The following AMDHD1 variants were observed in gnomAD, a reference collection of about 807,000 sequenced individuals.
AMDHD1 encodes amidohydrolase domain containing 1.
A neutral mutation model predicts 44.1 loss-of-function variants in AMDHD1; 45 were observed. That is an observed-to-expected ratio of 1.02 (90% CI 0.80 to 1.31). The LOEUF (loss-of-function observed/expected upper bound fraction) is 1.31. Ranked by LOEUF, AMDHD1 falls within the 50% of genes most tolerant of loss-of-function variation. AMDHD1 has a pLI of 0.00. For synonymous variants in AMDHD1, 206 were observed against 205.0 expected (o/e 1.00, Z -0.04); for missense variants, 586 against 552.1 (o/e 1.06, Z -0.61).
Position 95,956,695 on chromosome 12 carries a change from C to T in AMDHD1, c.320C>T (p.Ala107Val). Reference protein sequence around the residue: ...VHEFAMKLAGATYMEIHQAGG... With the variant: ...VHEFAMKLAGVTYMEIHQAGG... ...GAGGCGTGTGTTCAGTTGGCAGGAG[C>T]CACCTACATGGAAATTCACCAGGCC... Residue 107 changes from alanine to valine, a missense_variant, in exon 4 of 9, where the codon GCC becomes GTC. Ala to Val is a moderately conservative substitution (Grantham distance 64). Coordinates refer to ENST00000266736, the MANE Select transcript of AMDHD1 (RefSeq NM_152435.3). 6.2e-7 allele frequency: 1 copy of T among 1,613,902 alleles called. No individual in the cohort carries two copies. Among genetic ancestry groups the T allele is most frequent in the Non-Finnish European group, 8.5e-7 (1 of 1,179,790 alleles).
intron 1 of AMDHD1, among the ~76,000 whole-genome samples, chr12:95,947,689 AG>A (rs1362108747): frequency 9.9e-5 from 5 of 50,550 alleles, no homozygotes; most frequent in South Asian, 7.6e-4. Context: ...CTGCCCGGCC[AG>A]CCACCCCGTC....
At chr12:95,961,447 T>C (rs893827002) in intron 5 of AMDHD1, among the ~76,000 whole-genome samples, 3 of 152,210 alleles carry the variant, frequency 2.0e-5, no homozygotes, top group Non-Finnish European at 4.4e-5. Context: ...AAATCAGCAG[T>C]AAGACAAAGT....
intron 6 of AMDHD1, among the ~76,000 whole-genome samples, chr12:95,964,370 T>G (rs1295744200): frequency 6.6e-6 from 1 of 152,238 alleles, no homozygotes; most frequent in Non-Finnish European, 1.5e-5. Context: ...CTTATGCTAC[T>G]TAAGGGCTTG....
At chr12:95,949,236 A>G (rs544852758) in intron 1 of AMDHD1, among the ~76,000 whole-genome samples, 3 of 151,502 alleles carry the variant, frequency 2.0e-5, no homozygotes, top group Admixed American at 2.0e-4. Context: ...TGTCAGATTT[A>G]TCTACTATAA....
Position 95,943,368 on chromosome 12 carries a change from G to A in AMDHD1, c.-31G>A. The A allele has an allele frequency of 6.8e-7, 1 of 1,469,366 alleles. No homozygotes were observed. Among genetic ancestry groups the A allele is most frequent in the Non-Finnish European group, 8.9e-7 (1 of 1,117,518 alleles). The allele number at this position is 1,469,366 out of a possible 1,614,324, so 91.0% of individuals were successfully genotyped here. On this transcript the variant is annotated 5_prime_UTR_variant, in exon 1 of 9. Transcript: ENST00000266736. ...GTCCTGCCGGTGGCCCGAGCCCGGT[G>A]GCCTCCCGGCGACCCTCGGCGCGAG...
intron 1 of AMDHD1, among the ~76,000 whole-genome samples, chr12:95,950,055 C>G (rs1314654879): frequency 6.6e-6 from 1 of 152,150 alleles, no homozygotes; most frequent in Non-Finnish European, 1.5e-5. Flanking sequence ...TTAAAACAAC[C>G]TCTCTTAAAG....
chr12:95,945,784 T>TG (rs1491489211), intron 1 of AMDHD1, among the ~76,000 whole-genome samples: 16 of 19,736 alleles, frequency 8.1e-4, no homozygotes, highest in African/African-American at 5.6e-3. Flanking sequence ...ACAGTGTGTG[T>TG]TTTTTTTTTT....
At chr12:95,964,365 G>A (rs2080598150) in intron 6 of AMDHD1, among the ~76,000 whole-genome samples, 1 of 152,130 alleles carries the variant, frequency 6.6e-6, no homozygotes, top group Non-Finnish European at 1.5e-5. Context: ...ATTGCCTTAT[G>A]CTACTTAAGG....
chr12:95,955,921 T>A (rs892269091), intron 3 of AMDHD1, among the ~76,000 whole-genome samples: 4 of 152,190 alleles, frequency 2.6e-5, no homozygotes, highest in Non-Finnish European at 5.9e-5. Context: ...GGAAACTTCC[T>A]GGGGCCGCTT....
intron 4 of AMDHD1, among the ~76,000 whole-genome samples, chr12:95,957,265 ATAAT>A (rs781484259): frequency 1.4e-4 from 21 of 152,210 alleles, no homozygotes; most frequent in Middle Eastern, 3.2e-3. Context: ...ATTTCCCATG[ATAAT>A]TAATTAGCAT....
At chr12:95,944,491 A>G (rs1489136386) in intron 1 of AMDHD1, among the ~76,000 whole-genome samples, 1 of 151,772 alleles carries the variant, frequency 6.6e-6, no homozygotes, top group Non-Finnish European at 1.5e-5. Flanking sequence ...CCCAGGCTCA[A>G]CTGCGATCTC....
chr12:95,955,090 AT>A, intron 3 of AMDHD1, 115 bp downstream of exon 3: 1 of 1,019,926 alleles, frequency 9.8e-7, no homozygotes, highest in Non-Finnish European at 1.5e-6. Flanking sequence ...TTTAATGGAT[AT>A]TTTTACTTGC....
chr12:95,959,204 A>G (rs2080567545), intron 4 of AMDHD1, among the ~76,000 whole-genome samples: 1 of 152,206 alleles, frequency 6.6e-6, no homozygotes, highest in Non-Finnish European at 1.5e-5. Context: ...CTGAAGTTTC[A>G]CAGAAATTTT....
Position 95,965,764 on chromosome 12 carries a change from A to C in AMDHD1, c.1017A>C (p.Ala339=). 6.2e-7 allele frequency: 1 copy of C among 1,608,874 alleles called. No homozygotes were observed. The highest frequency in any genetic ancestry group is 8.5e-7 in the Non-Finnish European group (1 of 1,177,456). ...VALGSDFNPN[A]YCFSMPMVMH... The stretch of plus-strand genomic sequence containing the variant: ...TGGGAAGTGATTTCAACCCCAATGC[A>C]TATTGCTTTTCAATGGTAATTATTT... The change falls in exon 7 of 9, where the codon GCA becomes GCC. Residue 339 remains alanine (A), a synonymous_variant. Transcript: ENST00000266736.
At chr12:95,960,713 TGAAAA>T (rs2080577312) in intron 5 of AMDHD1, 90 bp downstream of exon 5, 1 of 1,299,682 alleles carries the variant, frequency 7.7e-7, no homozygotes, top group African/African-American at 1.5e-5. Context: ...CAAAGCCCTC[TGAAAA>T]GATATTGAAT....
intron 3 of AMDHD1, among the ~76,000 whole-genome samples, chr12:95,955,268 G>T (rs978831655): frequency 2.0e-5 from 3 of 152,152 alleles, no homozygotes; most frequent in Admixed American, 6.5e-5. Context: ...CCAAGGAATA[G>T]TTTGAAAATT....
At chr12:95,965,908 A>G (rs1194594686) in intron 7 of AMDHD1, 129 bp downstream of exon 7, 11 of 655,444 alleles carry the variant, frequency 1.7e-5, no homozygotes, top group Non-Finnish European at 2.7e-5. Flanking sequence ...AACAAGAAAA[A>G]AAGGGGTAGA....
At chr12:95,964,417 A>G (rs558699975) in intron 6 of AMDHD1, among the ~76,000 whole-genome samples, 2 of 152,308 alleles carry the variant, frequency 1.3e-5, no homozygotes, top group Admixed American at 1.3e-4. Context: ...TGCATGTAAT[A>G]TTTAAATGTA....
intron 4 of AMDHD1, among the ~76,000 whole-genome samples, chr12:95,958,518 A>AT (rs1316387163): frequency 2.6e-5 from 4 of 151,996 alleles, no homozygotes; most frequent in South Asian, 2.1e-4. Flanking sequence ...AAAACAGTAG[A>AT]TTTTTTTTCA....
Sources: gnomAD v4.1 joint callset for allele counts (sites outside exome capture counted in the v4.1 genomes callset) on GRCh38, gnomAD v4.1.1 for gene constraint, MANE v1.5 for transcripts, NCBI Gene and HGNC (gene_info 2026-07-23, HGNC 2026-07-21) for gene names.